AGMO: variants seen among roughly 807,000 people sequenced by gnomAD.
The protein encoded by AGMO is alkylglycerol monooxygenase.
A neutral mutation model predicts 60.2 loss-of-function variants in AGMO; 75 were observed. The observed-to-expected ratio is 1.25, with a 90% CI of 1.03 to 1.51. The LOEUF (loss-of-function observed/expected upper bound fraction) is 1.51, where lower values mean the gene tolerates loss of function less well. Among genes scored for constraint, AGMO ranks in the 40% most tolerant of loss-of-function variants. The pLI is 0.00. For missense variants in AGMO, 763 were observed against 525.5 expected (o/e 1.45, Z -4.42); for synonymous variants, 261 against 177.1 (o/e 1.47, Z -3.76).
intron 12 of AGMO, among the ~76,000 whole-genome samples, chr7:15,265,372 C>A (rs1190859294): frequency 1.3e-5 from 2 of 151,834 alleles, no homozygotes; most frequent in Non-Finnish European, 2.9e-5. Flanking sequence ...TCGCTCAGAC[C>A]CCAAGCCTCA....
chr7:15,370,768 C>A (rs532110635), intron 10 of AGMO, among the ~76,000 whole-genome samples: 2 of 151,856 alleles, frequency 1.3e-5, no homozygotes, highest in Non-Finnish European at 2.9e-5. Context: ...TGGTTAAGTT[C>A]CTTATAGATT....
intron 12 of AGMO, among the ~76,000 whole-genome samples, chr7:15,315,998 A>T (rs1780910898): frequency 6.6e-6 from 1 of 152,104 alleles, no homozygotes; most frequent in Non-Finnish European, 1.5e-5. Flanking sequence ...AGTACTTTTG[A>T]GAGATATTAT....
At chr7:15,400,322 A>T (rs753499503) in intron 5 of AGMO, among the ~76,000 whole-genome samples, 8 of 152,266 alleles carry the variant, frequency 5.3e-5, no homozygotes, top group South Asian at 2.1e-4. Flanking sequence ...AGTTGTCATA[A>T]CTGGGAAAAG....
intron 3 of AGMO, among the ~76,000 whole-genome samples, chr7:15,462,014 A>G (rs901916846): frequency 6.6e-5 from 10 of 152,020 alleles, no homozygotes; most frequent in African/African-American, 2.4e-4. Flanking sequence ...CACAAACTTT[A>G]GGTTGAAGGA....
At chr7:15,464,598 G>A (rs980659615) in intron 3 of AGMO, among the ~76,000 whole-genome samples, 3 of 152,134 alleles carry the variant, frequency 2.0e-5, no homozygotes, top group African/African-American at 7.2e-5. Context: ...TAATCTAAGA[G>A]GAACGTCTTC....
rs1782900247 is a variant in AGMO, at chr7:15,485,637, T to TA, written c.410-54530dup. On this transcript the variant is annotated intron_variant, in intron 3 of 12. Transcript: ENST00000342526. ...TTCTCCCATGTTTGCGGGGGAGTCTTAGAGAAGTTAGGGCCTGATGGAGAT... is the reference window on the plus strand; with the variant it reads ...TTCTCCCATGTTTGCGGGGGAGTCTTAAGAGAAGTTAGGGCCTGATGGAGAT... Among the ~76,000 whole-genome samples, 2 of 152,104 alleles carry TA rather than the reference T, an allele frequency of 1.3e-5. 1 individual carries two copies. The highest frequency in any genetic ancestry group is 2.9e-5 in the Non-Finnish European group (2 of 68,006).
chr7:15,224,973 T>TA (rs1377272235), intron 12 of AGMO, among the ~76,000 whole-genome samples: 4 of 152,018 alleles, frequency 2.6e-5, no homozygotes, highest in African/African-American at 9.7e-5. Flanking sequence ...ACAGTAGGAA[T>TA]ATTATATATA....
chr7:15,483,604 ACC>A lies in AGMO; in HGVS notation c.410-52498_410-52497del, dbSNP rs1256114855. 2.7e-5 allele frequency among the ~76,000 whole-genome samples: 4 copies of A among 148,814 alleles called. No homozygotes were observed. The South Asian group carries it at 8.4e-4, about 31-fold the overall frequency. On this transcript the variant is annotated intron_variant, in intron 3 of 12. Transcript: ENST00000342526. ...AAACAAACAAACAAACAAACAAAAAACCATAAAATTTCTAGGACTAAAACTAG... is the reference window on the plus strand; with the variant it reads ...AAACAAACAAACAAACAAACAAAAAAATAAAATTTCTAGGACTAAAACTAG...
intron 3 of AGMO, among the ~76,000 whole-genome samples, chr7:15,452,346 G>T (rs1781877004): frequency 1.3e-5 from 2 of 151,910 alleles, no homozygotes; most frequent in South Asian, 2.1e-4. Flanking sequence ...TCTGATAAAG[G>T]TCTAGTATTT....
At chr7:15,124,015 C>T in the AGMO span, among the ~76,000 whole-genome samples, 1 of 151,956 alleles carries the variant, frequency 6.6e-6, no homozygotes, top group Non-Finnish European at 1.5e-5. Context: ...TGTAGTACAG[C>T]CAGAGTGTTT....
chr7:15,207,394 C>A (rs1781465818), intron 12 of AGMO, among the ~76,000 whole-genome samples: 1 of 152,048 alleles, frequency 6.6e-6, no homozygotes, highest in African/African-American at 2.4e-5. Flanking sequence ...TATTACCAAC[C>A]CTTGTTCTAA....
At chr7:15,220,894 C>T (rs1563041219) in intron 12 of AGMO, among the ~76,000 whole-genome samples, 1 of 151,782 alleles carries the variant, frequency 6.6e-6, no homozygotes, top group Non-Finnish European at 1.5e-5. Flanking sequence ...AGTGGGTGTT[C>T]AAAGAGATAT....
chr7:15,448,321 C>A (rs1021442380), intron 3 of AGMO, among the ~76,000 whole-genome samples: 2 of 152,264 alleles, frequency 1.3e-5, no homozygotes, highest in African/African-American at 4.8e-5. Flanking sequence ...CAAAGAGATC[C>A]CGCACCTCTT....
At chr7:15,458,680 A>G (rs1782057611) in intron 3 of AGMO, among the ~76,000 whole-genome samples, 1 of 152,142 alleles carries the variant, frequency 6.6e-6, no homozygotes, top group Non-Finnish European at 1.5e-5. Flanking sequence ...ATACATCGCC[A>G]CCTTTAATCC....
the AGMO span, among the ~76,000 whole-genome samples, chr7:15,162,112 G>GGAAGTTTTAAAAA: frequency 6.6e-6 from 1 of 152,010 alleles, no homozygotes; most frequent in African/African-American, 2.4e-5. Flanking sequence ...AGTTTCCCCT[G>GGAAGTTTTAAAAA]TGCTTTGGCT....
chr7:15,525,152 A>G (rs1223764936), intron 3 of AGMO, among the ~76,000 whole-genome samples: 3 of 152,112 alleles, frequency 2.0e-5, no homozygotes, highest in East Asian at 1.9e-4. Flanking sequence ...ATGTTAAAAT[A>G]GAAGTCTTCA....
chr7:15,271,427 C>A (rs1196862979), intron 12 of AGMO, among the ~76,000 whole-genome samples: 1 of 151,926 alleles, frequency 6.6e-6, no homozygotes, highest in Non-Finnish European at 1.5e-5. Flanking sequence ...TTTGAGAGGG[C>A]AATTGTAAAT....
At chr7:15,490,542 C>G (rs1018806512) in intron 3 of AGMO, among the ~76,000 whole-genome samples, 1 of 152,124 alleles carries the variant, frequency 6.6e-6, no homozygotes, top group Admixed American at 6.5e-5. Flanking sequence ...TATTAACATC[C>G]GCAACACAGA....
At chr7:15,427,547 G>A (rs559604560) in intron 4 of AGMO, among the ~76,000 whole-genome samples, 141 of 152,024 alleles carry the variant, frequency 9.3e-4, no homozygotes, top group Middle Eastern at 6.8e-3. Context: ...TCTTTTTCAC[G>A]CACTTTAGTG....
Sources: allele counts gnomAD v4.1 joint callset (sites outside exome capture counted in the v4.1 genomes callset), GRCh38; gene constraint gnomAD v4.1.1; transcripts MANE v1.5; gene names NCBI Gene and HGNC (gene_info 2026-07-23, HGNC 2026-07-21).